Variants in TRAPPC9 observed in about 807,000 individuals in gnomAD.
The protein encoded by TRAPPC9 is IKK2 binding protein.
A neutral mutation model predicts 124.0 loss-of-function variants in TRAPPC9; 83 were observed. That is an observed-to-expected ratio of 0.67 (90% CI 0.56 to 0.80). The LOEUF is 0.80. Among genes scored for constraint, TRAPPC9 ranks in the 30% least tolerant of loss-of-function variants. TRAPPC9 has a pLI of 0.00. For synonymous variants in TRAPPC9, 638 were observed against 617.5 expected, an observed-to-expected ratio of 1.03 and a Z score of -0.49; for missense variants, 1,302 against 1,508.3, an observed-to-expected ratio of 0.86 and a Z score of 2.27.
chr8:140,269,148 C>T (rs2064793642), intron 15 of TRAPPC9, among the ~76,000 whole-genome samples: 1 of 151,356 alleles, frequency 6.6e-6, no homozygotes, highest in Admixed American at 6.6e-5. Flanking sequence ...TGTATTTTAC[C>T]AAAAAAAAGT....
In TRAPPC9 at chr8:139,814,614, T is replaced by C. The variant is rs1048005015; in HGVS notation, c.3055+71265A>G. 4.6e-5 allele frequency among the ~76,000 whole-genome samples: 7 copies of C among 152,134 alleles called. 1 individual carries two copies. The highest frequency in any genetic ancestry group is 5.9e-5 in the Non-Finnish European group (4 of 68,018). On this transcript the variant is annotated intron_variant, in intron 21 of 22. Coordinates refer to ENST00000438773, the MANE Select transcript of TRAPPC9 (RefSeq NM_001160372.4). ...AGCTGAGACTCTGAAATACTAACTT[T>C]TCCAGTTGTACAGCCAATAAGTAGC...
chr8:140,037,288 A>C (rs7012888), intron 17 of TRAPPC9, among the ~76,000 whole-genome samples: 4,301 of 152,198 alleles, frequency 0.028, 191 homozygotes, highest in African/African-American at 0.098. Context: ...CTAGTCTTAC[A>C]AAACACCGAG....
intron 17 of TRAPPC9, among the ~76,000 whole-genome samples, chr8:140,172,841 T>G (rs2061992745): frequency 6.6e-6 from 1 of 152,226 alleles, no homozygotes; most frequent in Non-Finnish European, 1.5e-5. Flanking sequence ...TGAGATTCCT[T>G]TGACCATGGT....
At chr8:139,847,458 A>G (rs78920675) in intron 21 of TRAPPC9, among the ~76,000 whole-genome samples, 2,317 of 152,262 alleles carry the variant, frequency 0.015, 53 homozygotes, top group African/African-American at 0.051. Context: ...CTTGCAGACC[A>G]ATGAGGAAAC....
chr8:140,279,580 A>G (rs941409815), intron 14 of TRAPPC9, among the ~76,000 whole-genome samples: 1 of 152,200 alleles, frequency 6.6e-6, no homozygotes, highest in Non-Finnish European at 1.5e-5. Context: ...CATCAGGACC[A>G]TGCTGGGATC....
chr8:140,024,999 CAT>C (rs1840053332), intron 17 of TRAPPC9, among the ~76,000 whole-genome samples: 1 of 152,186 alleles, frequency 6.6e-6, no homozygotes, highest in African/African-American at 2.4e-5. Context: ...GGGGAGTACT[CAT>C]GTGCTCCTGC....
intron 17 of TRAPPC9, among the ~76,000 whole-genome samples, chr8:140,053,657 A>G (rs912269571): frequency 6.6e-6 from 1 of 152,152 alleles, no homozygotes; most frequent in Non-Finnish European, 1.5e-5. Context: ...AAAGTGGGGT[A>G]TTGAAGTCTT....
intron 21 of TRAPPC9, among the ~76,000 whole-genome samples, chr8:139,745,908 G>T (rs947444026): frequency 2.6e-5 from 4 of 152,268 alleles, no homozygotes; most frequent in Admixed American, 2.6e-4. Context: ...CGAGCACGCT[G>T]GCACTGCTTC....
chr8:140,037,737 C>CCA (rs1472257060), intron 17 of TRAPPC9, among the ~76,000 whole-genome samples: 2 of 147,826 alleles, frequency 1.4e-5, no homozygotes, highest in East Asian at 2.0e-4. Flanking sequence ...AATACACACC[C>CCA]CACACACACA....
At chr8:139,910,329 A>G (rs748936999) in intron 19 of TRAPPC9, 29 bp from the exon 20 acceptor site, 2 of 1,613,956 alleles carry the variant, frequency 1.2e-6, no homozygotes, top group African/African-American at 1.3e-5. Flanking sequence ...CACAGCAGAG[A>G]ATTCATCAGT....
At chr8:140,040,721 A>T (rs926728550) in intron 17 of TRAPPC9, 3 of 152,394 alleles carry the variant, frequency 2.0e-5, no homozygotes, top group Middle Eastern at 3.4e-3. Context: ...CCCAACACAC[A>T]TCATTCAGGG....
Position 139,732,024 on chromosome 8 carries a change from G to T in TRAPPC9, c.3234C>A (p.His1078Gln). 1.2e-6 allele frequency: 2 copies of T among 1,601,482 alleles called. No individual in the cohort carries two copies. The highest frequency in any genetic ancestry group is 1.3e-5 in the African/African-American group (1 of 74,864). The change falls in exon 22 of 23, where the codon CAC becomes CAA. Residue 1078 changes from histidine (H) to glutamine (Q), a missense_variant. By Grantham distance (24) the His-to-Gln change is conservative. Coordinates refer to ENST00000438773, the MANE Select transcript of TRAPPC9 (RefSeq NM_001160372.4). ...HQNGVHNYDL[H>Q]DTVSFVGSST... ...TGGAGCCCACGAAGGAGACGGTGTC[G>T]TGCAGGTCGTAGTTGTGCACGCCGT...
intron 9 of TRAPPC9, among the ~76,000 whole-genome samples, chr8:140,340,102 C>T (rs2067151386): frequency 6.6e-6 from 1 of 152,242 alleles, no homozygotes; most frequent in South Asian, 2.1e-4. Flanking sequence ...CCACCTCAGC[C>T]TCCCAAAGTA....
chr8:140,086,085 T>C (rs1215907953), intron 17 of TRAPPC9, among the ~76,000 whole-genome samples: 3 of 152,190 alleles, frequency 2.0e-5, no homozygotes, highest in Non-Finnish European at 4.4e-5. Flanking sequence ...CCTAGCAGGT[T>C]ACCAGATCCT....
intron 17 of TRAPPC9, among the ~76,000 whole-genome samples, chr8:140,171,948 G>T (rs77435404): frequency 0.021 from 3,175 of 152,306 alleles, 33 homozygotes; most frequent in South Asian, 0.035. Flanking sequence ...CGTGAGGAGG[G>T]CAGAAAAGCA....
At chr8:139,913,987 G>T (rs1831933049) in intron 19 of TRAPPC9, 1 of 152,342 alleles carries the variant, frequency 6.6e-6, no homozygotes, top group Non-Finnish European at 1.5e-5. Flanking sequence ...CCATGGAGGG[G>T]TCCTCACACC....
chr8:140,199,470 G>A (rs559935410), intron 17 of TRAPPC9, among the ~76,000 whole-genome samples: 9 of 151,918 alleles, frequency 5.9e-5, no homozygotes, highest in East Asian at 1.9e-4. Context: ...CACACAGTTC[G>A]TAGGTGATCA....
chr8:140,124,784 G>A (rs1223820970), intron 17 of TRAPPC9, among the ~76,000 whole-genome samples: 1 of 152,200 alleles, frequency 6.6e-6, no homozygotes, highest in Non-Finnish European at 1.5e-5. Context: ...TCTCCCACAG[G>A]GAGGGCAGCA....
At chr8:139,996,179 A>AG (rs1199776257) in intron 18 of TRAPPC9, among the ~76,000 whole-genome samples, 3 of 145,568 alleles carry the variant, frequency 2.1e-5, no homozygotes, top group Non-Finnish European at 3.0e-5. Flanking sequence ...AAAAAAAAAA[A>AG]AAAGAAAGGA....
Sources: gnomAD v4.1 joint callset for allele counts (sites outside exome capture counted in the v4.1 genomes callset) on GRCh38, gnomAD v4.1.1 for gene constraint, MANE v1.5 for transcripts, NCBI Gene and HGNC (gene_info 2026-07-23, HGNC 2026-07-21) for gene names.